Variants in DPY19L3 observed in about 807,000 individuals in gnomAD.
DPY19L3 encodes dpy-19 like C-mannosyltransferase 3.
Under a neutral mutation model 92.3 loss-of-function variants are expected in DPY19L3, and 51 were observed. The observed-to-expected ratio is 0.55, with a 90% CI of 0.44 to 0.70. The LOEUF is 0.70. DPY19L3 is among the 30% of genes least tolerant of loss of function. The pLI is 0.00. For synonymous variants in DPY19L3, 309 were observed against 315.2 expected (o/e 0.98, Z 0.21); for missense variants, 706 against 855.9 (o/e 0.82, Z 2.18).
intron 7 of DPY19L3, among the ~76,000 whole-genome samples, chr19:32,439,540 G>A (rs10500259): frequency 6.6e-6 from 1 of 152,120 alleles, no homozygotes; most frequent in Non-Finnish European, 1.5e-5. Flanking sequence ...ATGTGATTTG[G>A]TGCATTATCG....
At chr19:32,425,143 A>G (rs920132360) in intron 3 of DPY19L3, among the ~76,000 whole-genome samples, 1 of 152,228 alleles carries the variant, frequency 6.6e-6, no homozygotes, top group Non-Finnish European at 1.5e-5. Flanking sequence ...ATGCAAATGA[A>G]TCTTTTATAA....
At chr19:32,473,809 T>A (rs1970425526) in intron 16 of DPY19L3, among the ~76,000 whole-genome samples, 1 of 152,226 alleles carries the variant, frequency 6.6e-6, no homozygotes, top group Non-Finnish European at 1.5e-5. Context: ...TTTTTGGTTT[T>A]ATTTTATTTA....
intron 3 of DPY19L3, among the ~76,000 whole-genome samples, chr19:32,424,104 C>G (rs1968673577): frequency 6.6e-6 from 1 of 151,848 alleles, no homozygotes; most frequent in African/African-American, 2.4e-5. Context: ...ATTGCTTGAG[C>G]CCAGAAGTTC....
chr19:32,458,220 G>T (rs1482474855), intron 11 of DPY19L3, 47 bp downstream of exon 11: 4 of 1,592,008 alleles, frequency 2.5e-6, no homozygotes, highest in East Asian at 2.2e-5. Flanking sequence ...TATTGAATCA[G>T]CAGGGACTTT....
At chr19:32,463,078 T>G (rs920442438) in intron 12 of DPY19L3, among the ~76,000 whole-genome samples, 3 of 100,628 alleles carry the variant, frequency 3.0e-5, no homozygotes, top group African/African-American at 1.0e-4. Flanking sequence ...TCCAAAAAAT[T>G]TGAGTTTTTT....
At chr19:32,463,598 T>TA (rs1235651052) in intron 13 of DPY19L3, 110 bp downstream of exon 13, 5 of 1,320,930 alleles carry the variant, frequency 3.8e-6, no homozygotes, top group Admixed American at 4.5e-5. Context: ...ATGGTTCCCA[T>TA]AAAATCATCC....
At chr19:32,426,711 T>G (rs571831101) in intron 3 of DPY19L3, among the ~76,000 whole-genome samples, 32 of 152,302 alleles carry the variant, frequency 2.1e-4, no homozygotes, top group African/African-American at 7.7e-4. Context: ...TACAGTAGTA[T>G]TAATAACATC....
chr19:32,443,360 G>A (rs1422610299), intron 8 of DPY19L3, among the ~76,000 whole-genome samples: 1 of 152,152 alleles, frequency 6.6e-6, no homozygotes. Context: ...GAATGTTTTT[G>A]TGGTCCCCCA....
At chr19:32,415,854 G>A (rs1416151670) in intron 3 of DPY19L3, among the ~76,000 whole-genome samples, 2 of 152,288 alleles carry the variant, frequency 1.3e-5, no homozygotes, top group Non-Finnish European at 1.5e-5. Context: ...GAATCCTACG[G>A]TGAAAGTCAC....
Position 32,408,348 on chromosome 19 carries a change from T to G in DPY19L3, c.95T>G (p.Leu32Trp). ...QEENVKLENK[L>W]PSGCTSRRLW... The stretch of plus-strand genomic sequence containing the variant: ...GAAAATGTGAAGTTGGAAAATAAAT[T>G]GCCATCTGGTAGGTGATTTAAACTA... The change falls in exon 2 of 19, where the codon TTG (leucine) becomes TGG (tryptophan). Residue 32 changes from leucine (L) to tryptophan (W), a missense_variant. Coordinates refer to ENST00000392250, the MANE Select transcript of DPY19L3 (RefSeq NM_001172774.2). The G allele has an allele frequency of 6.2e-7, 1 of 1,612,638 alleles. No individual in the cohort carries two copies. The highest frequency in any genetic ancestry group is 8.5e-7 in the Non-Finnish European group (1 of 1,179,046).
rs1174720265 is a variant in DPY19L3 at position 32,432,587 on chromosome 19, G to A, written c.238-129G>A. The A allele has an allele frequency of 2.2e-5, 16 of 711,632 alleles. 1 individual carries two copies. In the South Asian group the frequency reaches 2.8e-4, roughly 13 times the overall value. 44.1% of individuals were successfully genotyped at this position (711,632 alleles called of 1,614,324 possible). A position where few individuals can be genotyped will look rare whatever the true frequency, so the allele number is the denominator to read the frequency against. On this transcript the variant is annotated intron_variant, in intron 3 of 18. Transcript: ENST00000392250. ...TCAGCCTTCCATTCTTGTTTGCCAA[G>A]ATTTTTTGAGACTATATTTTCAGAG... is the stretch of plus-strand genomic sequence containing the variant.
rs1970718279 is a variant in DPY19L3, at chr19:32,483,048, G to GT, written c.*812dup. 1.3e-5 allele frequency: 2 copies of GT among 152,128 alleles called. No individual in the cohort carries two copies. The highest frequency in any genetic ancestry group is 2.4e-5 in the African/African-American group (1 of 41,436). 9.4% of individuals were successfully genotyped at this position (152,128 alleles called of 1,614,324 possible). A position where few individuals can be genotyped will look rare whatever the true frequency, so the allele number is the denominator to read the frequency against. On this transcript the variant is annotated 3_prime_UTR_variant, in exon 19 of 19. Transcript: ENST00000392250. ...CTCTTTAACCTCTCCTGCAGTAATA[G>GT]TTTTGCTTTATTTCTTACTCATTTC...
At chr19:32,469,260 G>T (rs1307420334) in intron 16 of DPY19L3, 1 of 154,482 alleles carries the variant, frequency 6.5e-6, no homozygotes, top group African/African-American at 2.4e-5. Context: ...ACTTTGGGAG[G>T]CTGAGGTGGG....
chr19:32,436,645 G>A lies in DPY19L3; in HGVS notation c.450+78G>A, dbSNP rs938879774. ...ATTTTGAACTGAAAGTTATCACATC[G>A]TTCTTTCTGATCTTCAACTGGTTTA... On this transcript the variant is annotated intron_variant, in intron 5 of 18. Transcript: ENST00000392250. 3.7e-5 allele frequency: 45 copies of A among 1,228,516 alleles called. 1 individual carries two copies. The highest frequency in any genetic ancestry group is 4.8e-5 in the Non-Finnish European group (44 of 925,994). 76.1% of individuals were successfully genotyped at this position (1,228,516 alleles called of 1,614,324 possible). A position where few individuals can be genotyped will look rare whatever the true frequency, so the allele number is the denominator to read the frequency against.
intron 4 of DPY19L3, among the ~76,000 whole-genome samples, chr19:32,434,509 A>T (rs1969074668): frequency 2.0e-5 from 3 of 152,134 alleles, no homozygotes; most frequent in Non-Finnish European, 4.4e-5. Context: ...ATACAAAAAA[A>T]TTAGCCGGGC....
At chr19:32,426,061 T>C (rs1968751108) in intron 3 of DPY19L3, among the ~76,000 whole-genome samples, 2 of 152,256 alleles carry the variant, frequency 1.3e-5, no homozygotes, top group South Asian at 4.1e-4. Flanking sequence ...GGATCTTAGC[T>C]GGATCTTCTG....
intron 3 of DPY19L3, among the ~76,000 whole-genome samples, chr19:32,432,291 T>C (rs529570020): frequency 6.6e-6 from 1 of 152,334 alleles, no homozygotes; most frequent in Admixed American, 6.5e-5. Context: ...GTAAAATTCA[T>C]GTGTCTGCCT....
chr19:32,465,999 C>T (rs1228784954), intron 15 of DPY19L3, among the ~76,000 whole-genome samples: 3 of 152,238 alleles, frequency 2.0e-5, no homozygotes, highest in Non-Finnish European at 4.4e-5. Context: ...AAAGCACCCT[C>T]CTCACAGAAA....
At chr19:32,411,070 T>C (rs1258420766) in intron 2 of DPY19L3, among the ~76,000 whole-genome samples, 169 bp from the exon 3 acceptor site, 1 of 152,232 alleles carries the variant, frequency 6.6e-6, no homozygotes, top group East Asian at 1.9e-4. Flanking sequence ...ACAGTTGTAA[T>C]AGAATGAAAA....
Sources: allele counts gnomAD v4.1 joint callset (sites outside exome capture counted in the v4.1 genomes callset), GRCh38; gene constraint gnomAD v4.1.1; transcripts MANE v1.5; gene names NCBI Gene and HGNC (gene_info 2026-07-23, HGNC 2026-07-21).